Variants in RNF19A observed in about 807,000 individuals in gnomAD.
RNF19A encodes the protein ring finger protein 19A, RBR E3 ubiquitin protein ligase.
Under a neutral mutation model 75.7 loss-of-function variants are expected in RNF19A, and 32 were observed. That is an observed-to-expected ratio of 0.42 (90% CI 0.32 to 0.57). The LOEUF (loss-of-function observed/expected upper bound fraction) is 0.57. Among genes scored for constraint, RNF19A ranks in the 20% least tolerant of loss-of-function variants. The pLI, the probability that RNF19A is intolerant of heterozygous loss-of-function variation, is 0.10. For missense variants in RNF19A, 782 were observed against 1,036.3 expected (o/e 0.75, Z 3.37); for synonymous variants, 335 against 345.2 (o/e 0.97, Z 0.33).
At chr8:100,266,011 G>A (rs1364940285) in intron 5 of RNF19A, among the ~76,000 whole-genome samples, 2 of 152,214 alleles carry the variant, frequency 1.3e-5, no homozygotes, top group Admixed American at 1.3e-4. Flanking sequence ...AACTGATGGA[G>A]CAGACTTGCA....
At chr8:100,301,915 G>A (rs185631829) in intron 1 of RNF19A, among the ~76,000 whole-genome samples, 16 of 152,296 alleles carry the variant, frequency 1.1e-4, no homozygotes, top group Admixed American at 6.5e-4. Context: ...TAAAGGAGGT[G>A]TTAGCTATGT....
chr8:100,306,056 G>C (rs1822050219), intron 1 of RNF19A, among the ~76,000 whole-genome samples: 1 of 151,938 alleles, frequency 6.6e-6, no homozygotes, highest in African/African-American at 2.4e-5. Context: ...CCTCCTTATG[G>C]CTCACTTCTA....
rs560099164 is a variant in RNF19A at position 100,325,031 on chromosome 8, C to T, written c.-243+11077G>A. ...AACCCATTCTCCTGCCTCAGCCTCT[C>T]GAGTAGCTGGAATTACAGGTGCCTA... On this transcript the variant is annotated intron_variant, in intron 1 of 3. Coordinates refer to the RNF19A transcript ENST00000519527. The surrounding 1 kb of genome is among the most constrained non-coding windows in gnomAD (Gnocchi z 4.3). Among the ~76,000 whole-genome samples, 11 of 152,182 alleles carry T rather than the reference C, an allele frequency of 7.2e-5. No individual in the cohort carries two copies. Among genetic ancestry groups the T allele is most frequent in the Non-Finnish European group, 1.6e-4 (11 of 68,018 alleles).
chr8:100,326,430 C>T (rs1822534418), intron 1 of RNF19A, among the ~76,000 whole-genome samples: 1 of 152,120 alleles, frequency 6.6e-6, no homozygotes, highest in Non-Finnish European at 1.5e-5. Context: ...TTAGCAAATT[C>T]TAACTGAGAA....
In RNF19A at chr8:100,260,098, C is replaced by G. The variant is rs1296583651; in HGVS notation, c.1683-101G>C. ...AGTTAAGAACCCTAGTAACCAGAAG[C>G]TATTTTAGGAACCATTATTTTTTAT... On this transcript the variant is annotated intron_variant, in intron 8 of 9. Coordinates refer to ENST00000341084, the MANE Select transcript of RNF19A (RefSeq NM_183419.4). The surrounding 1 kb of genome is among the most constrained non-coding windows in gnomAD (Gnocchi z 4.1). 2.0e-6 allele frequency: 2 copies of G among 1,018,616 alleles called. No homozygotes were observed. Among genetic ancestry groups the G allele is most frequent in the Non-Finnish European group, 3.0e-6 (2 of 676,658 alleles). 63.1% of individuals were successfully genotyped at this position (1,018,616 alleles called of 1,614,324 possible). A position where few individuals can be genotyped will look rare whatever the true frequency, so the allele number is the denominator to read the frequency against.
At position 100,259,264 on chromosome 8, in the gene RNF19A, C is replaced by G. The variant is rs763740140; in HGVS notation, c.1827-18G>C. ...TGCCTTCTCTGAAATATAAGAGTAA[C>G]AAATACAAACATAATTGCTGACTTC... is the stretch of plus-strand genomic sequence containing the variant. On this transcript the variant is annotated intron_variant, in intron 9 of 9. Transcript: ENST00000341084. The surrounding 1 kb of genome is among the most constrained non-coding windows in gnomAD (Gnocchi z 4.5). 3.2e-6 allele frequency: 5 copies of G among 1,572,408 alleles called. No homozygotes were observed. The highest frequency in any genetic ancestry group is 1.8e-5 in the Admixed American group (1 of 57,038).
At chr8:100,301,999 A>G (rs1023669005) in intron 1 of RNF19A, among the ~76,000 whole-genome samples, 6 of 152,200 alleles carry the variant, frequency 3.9e-5, no homozygotes, top group African/African-American at 1.4e-4. Flanking sequence ...TGTGTCTGGT[A>G]TGCTCAAGGA....
At chr8:100,280,525 C>T (rs1299698819) in intron 2 of RNF19A, among the ~76,000 whole-genome samples, 1 of 152,114 alleles carries the variant, frequency 6.6e-6, no homozygotes, top group Non-Finnish European at 1.5e-5. Flanking sequence ...GTAAGATGTC[C>T]TACCCCTAGA....
In RNF19A at chr8:100,308,027, C is replaced by T. The variant is rs1822129765; in HGVS notation, c.-94+1840G>A. Among the ~76,000 whole-genome samples the T allele has an allele frequency of 2.6e-5, 4 of 152,126 alleles. No homozygotes were observed. In the South Asian group the frequency reaches 8.3e-4, roughly 31 times the overall value. On this transcript the variant is annotated intron_variant, in intron 1 of 9. Transcript: ENST00000341084. ...GTCTACTGATCAACTGAGGCATCCC[C>T]TAAATGAGAAAACAAAATTTCCAGT... is the stretch of plus-strand genomic sequence containing the variant.
Position 100,317,013 on chromosome 8 carries a change from C to G in RNF19A, c.-242-3641G>C, listed in dbSNP as rs1822390694. Reference sequence around the variant, plus strand: ...CAGTACACTCTCCGCAGCCGCTGGCCCGGGTGCTAAGTCCCTCATTGCCCG... The same window carrying G: ...CAGTACACTCTCCGCAGCCGCTGGCGCGGGTGCTAAGTCCCTCATTGCCCG... On this transcript the variant is annotated intron_variant, in intron 1 of 3. Transcript: ENST00000519527. The surrounding 1 kb of genome is among the most constrained non-coding windows in gnomAD (Gnocchi z 4.3). Among the ~76,000 whole-genome samples, 1 of 152,234 alleles carries G rather than the reference C, an allele frequency of 6.6e-6. No homozygotes were observed. The highest frequency in any genetic ancestry group is 1.5e-5 in the Non-Finnish European group (1 of 68,022).
upstream of RNF19A, among the ~76,000 whole-genome samples, chr8:100,311,973 C>G (rs1822306234): frequency 1.3e-5 from 2 of 152,130 alleles, no homozygotes; most frequent in African/African-American, 4.8e-5. Flanking sequence ...ACCTATTGAA[C>G]ATCCCCAACT....
At chr8:100,334,968 G>A (rs542703935) in intron 1 of RNF19A, among the ~76,000 whole-genome samples, 1 of 152,262 alleles carries the variant, frequency 6.6e-6, no homozygotes, top group African/African-American at 2.4e-5. Context: ...GTTAAAATAA[G>A]CTCAGATCTC....
At chr8:100,292,153 G>T (rs1009063517) in intron 1 of RNF19A, among the ~76,000 whole-genome samples, 3 of 151,386 alleles carry the variant, frequency 2.0e-5, no homozygotes, top group East Asian at 1.9e-4. Flanking sequence ...TATTACAAAA[G>T]AATAACAAGC....
At chr8:100,311,496 A>G (rs932782508), upstream of RNF19A, among the ~76,000 whole-genome samples, 1 of 152,126 alleles carries the variant, frequency 6.6e-6, no homozygotes, top group Non-Finnish European at 1.5e-5. Context: ...AGGCGGGCGG[A>G]TCACGAGGTC....
intron 1 of RNF19A, among the ~76,000 whole-genome samples, chr8:100,293,567 G>A (rs1435289393): frequency 6.6e-6 from 1 of 152,144 alleles, no homozygotes; most frequent in Non-Finnish European, 1.5e-5. Context: ...TGATAAAGAT[G>A]TGCCTAGATG....
intron 1 of RNF19A, among the ~76,000 whole-genome samples, chr8:100,319,139 A>T (rs956364815): frequency 3.9e-5 from 6 of 152,224 alleles, no homozygotes; most frequent in African/African-American, 1.4e-4. Flanking sequence ...AGACTCAAAG[A>T]TGGACATTCT....
upstream of RNF19A, among the ~76,000 whole-genome samples, chr8:100,312,675 G>A (rs1212757309): frequency 6.6e-6 from 1 of 152,160 alleles, no homozygotes; most frequent in Non-Finnish European, 1.5e-5. Context: ...TGTAATCCCG[G>A]CACTTTGGGA....
chr8:100,307,458 A>G (rs1045032861), intron 1 of RNF19A, among the ~76,000 whole-genome samples: 3 of 151,984 alleles, frequency 2.0e-5, no homozygotes, highest in Admixed American at 6.6e-5. Flanking sequence ...ACAACAAACT[A>G]TATGTGTTGG....
intron 1 of RNF19A, among the ~76,000 whole-genome samples, chr8:100,293,053 G>A (rs772955950): frequency 6.6e-5 from 10 of 152,252 alleles, no homozygotes; most frequent in East Asian, 1.9e-4. Flanking sequence ...TAGATCCCTC[G>A]AGTGCAGTTC....
Sources: allele counts gnomAD v4.1 joint callset (sites outside exome capture counted in the v4.1 genomes callset), GRCh38; gene constraint gnomAD v4.1.1; non-coding constraint Gnocchi (gnomAD v3.1); transcripts MANE v1.5; gene names NCBI Gene and HGNC (gene_info 2026-07-23, HGNC 2026-07-21).